Variants in RLF observed in about 807,000 individuals in gnomAD.
The protein encoded by RLF is RLF zinc finger.
Under a neutral mutation model 162.9 loss-of-function variants are expected in RLF, and 7 were observed. That is an observed-to-expected ratio of 0.04 (90% CI 0.02 to 0.08). The LOEUF is 0.08. RLF is among the 10% of genes least tolerant of loss of function. The pLI is 1.00. For synonymous variants in RLF, 782 were observed against 791.5 expected, an observed-to-expected ratio of 0.99 and a Z score of 0.20; for missense variants, 1,664 against 2,244.7, an observed-to-expected ratio of 0.74 and a Z score of 5.23.
intron 1 of RLF, among the ~76,000 whole-genome samples, chr1:40,177,292 CTT>C (rs552640229): frequency 9.0e-5 from 13 of 143,934 alleles, no homozygotes; most frequent in Admixed American, 1.4e-4. Context: ...TTCTTTCTTT[CTT>C]TTTTTTTTTT....
chr1:40,221,577 T>A (rs1319665853), intron 5 of RLF, among the ~76,000 whole-genome samples: 2 of 150,954 alleles, frequency 1.3e-5, no homozygotes, highest in Non-Finnish European at 3.0e-5. Context: ...ACTGGAGGAG[T>A]TGAGCTGTTT....
chr1:40,174,661 A>G (rs1031553385), intron 1 of RLF, among the ~76,000 whole-genome samples: 5 of 152,208 alleles, frequency 3.3e-5, no homozygotes, highest in Non-Finnish European at 7.3e-5. Context: ...TATTGTATAA[A>G]ACAGACACAG....
intron 4 of RLF, among the ~76,000 whole-genome samples, chr1:40,199,124 A>G (rs1642676559): frequency 6.6e-6 from 1 of 152,226 alleles, no homozygotes; most frequent in South Asian, 2.1e-4. Flanking sequence ...ACACATACCC[A>G]AGACCATGTA....
chr1:40,185,843 CAAAAAAA>C (rs33982008), intron 1 of RLF, among the ~76,000 whole-genome samples: 2 of 67,526 alleles, frequency 3.0e-5, no homozygotes, highest in South Asian at 6.9e-4. Context: ...AAAAAAAAAG[CAAAAAAA>C]AAAAAAAAAA....
At chr1:40,186,319 C>CA (rs1642479798) in intron 1 of RLF, among the ~76,000 whole-genome samples, 1 of 152,050 alleles carries the variant, frequency 6.6e-6, no homozygotes, top group South Asian at 2.1e-4. Flanking sequence ...TTGATTATTC[C>CA]AGCCATTCTT....
intron 4 of RLF, among the ~76,000 whole-genome samples, chr1:40,198,011 G>GT (rs201641728): frequency 0.024 from 3,625 of 150,750 alleles, 151 homozygotes; most frequent in African/African-American, 0.082. Flanking sequence ...TTTCTTTTCT[G>GT]TTTTTTTTTG....
At chr1:40,210,316 C>T (rs1208058127) in intron 5 of RLF, among the ~76,000 whole-genome samples, 1 of 152,132 alleles carries the variant, frequency 6.6e-6, no homozygotes, top group Non-Finnish European at 1.5e-5. Flanking sequence ...ATAGAGAATT[C>T]TGTGTTTATA....
At chr1:40,194,057 G>A (rs981715832) in intron 3 of RLF, among the ~76,000 whole-genome samples, 5 of 152,094 alleles carry the variant, frequency 3.3e-5, no homozygotes, top group African/African-American at 9.7e-5. Context: ...AAACATATAC[G>A]TAATCATTTA....
At position 40,173,514 on chromosome 1, in the gene RLF, A is replaced by ATTTT. The variant is rs34760861; in HGVS notation, c.237+11892_237+11895dup. Among the ~76,000 whole-genome samples, 174 of 142,616 alleles carry ATTTT rather than the reference A, an allele frequency of 1.2e-3. 2 individuals are homozygous for ATTTT. The highest frequency in any genetic ancestry group is 4.3e-3 in the African/African-American group (167 of 38,686). 93.6% of individuals were successfully genotyped at this position (142,616 alleles called of 152,430 possible). On this transcript the variant is annotated intron_variant, in intron 1 of 7. Transcript: ENST00000372771. ...TTTGTCCAATCATTATGATCATGTA[A>ATTTT]TTTTTTTTTTTTTTTTTAAGACAGA...
In RLF at chr1:40,236,316, A is replaced by G. The variant is rs1175027292; in HGVS notation, c.1614A>G (p.Lys538=). ...ATCAGCATAAGGAGAAAAGAGACAA[A>G]AAACCTATTGGCTCTTCTGAAAGAT... ...LTDQHKEKRD[K]KPIGSSERYQ... The change falls in exon 8 of 8, where the codon AAA becomes AAG. Residue 538 remains lysine (K), a synonymous_variant. Coordinates refer to ENST00000372771, the MANE Select transcript of RLF (RefSeq NM_012421.4). This position sits in a 1 kb window ranked among gnomAD's most constrained non-coding sequence, Gnocchi z 7.7. The G allele has an allele frequency of 6.2e-7, 1 of 1,614,036 alleles. No homozygotes were observed. Among genetic ancestry groups the G allele is most frequent in the South Asian group, 1.1e-5 (1 of 91,070 alleles).
At chr1:40,196,144 C>T (rs866746273) in intron 4 of RLF, among the ~76,000 whole-genome samples, 24 of 151,632 alleles carry the variant, frequency 1.6e-4, no homozygotes, top group South Asian at 4.2e-4. Context: ...GGCAGGATCT[C>T]GGCTCACTGC....
At chr1:40,221,773 G>A (rs780822737) in intron 5 of RLF, among the ~76,000 whole-genome samples, 6 of 151,710 alleles carry the variant, frequency 4.0e-5, no homozygotes, top group Admixed American at 1.3e-4. Flanking sequence ...GGTGGTGGGC[G>A]CCTGTAGTCC....
chr1:40,161,643 G>A lies in RLF; in HGVS notation c.237+7G>A. The A allele has an allele frequency of 6.2e-7, 1 of 1,609,396 alleles. No individual in the cohort carries two copies. Reference sequence around the variant, plus strand: ...CTGCCGGAGCTTCTGCCAGGTGAGGGGCTGACTGGCTGGCTGAGGGCGGCG... The same window carrying A: ...CTGCCGGAGCTTCTGCCAGGTGAGGAGCTGACTGGCTGGCTGAGGGCGGCG... On this transcript the variant is annotated splice_region_variant and intron_variant, in intron 1 of 7. Coordinates refer to ENST00000372771, the MANE Select transcript of RLF (RefSeq NM_012421.4). This position sits in a 1 kb window ranked among gnomAD's most constrained non-coding sequence, Gnocchi z 4.4.
In RLF at chr1:40,194,608, C is replaced by CA. The variant is rs529882214; in HGVS notation, c.475-1016dup. On this transcript the variant is annotated intron_variant, in intron 3 of 7. Coordinates refer to ENST00000372771, the MANE Select transcript of RLF (RefSeq NM_012421.4). ...CTCCAAAAAAAAAAAACCAACAAAA[C>CA]AAAAAAAATAAATCAGCCTCCACCA... Among the ~76,000 whole-genome samples, 38 of 148,764 alleles carry CA rather than the reference C, an allele frequency of 2.6e-4. No individual in the cohort carries two copies. The South Asian group carries it at 8.1e-3, about 32-fold the overall frequency.
chr1:40,233,495 T>C (rs1020492810), intron 7 of RLF, among the ~76,000 whole-genome samples: 1 of 152,238 alleles, frequency 6.6e-6, no homozygotes, highest in African/African-American at 2.4e-5. Context: ...CCAAGTCCTC[T>C]CTGCTCTTAC....
intron 3 of RLF, among the ~76,000 whole-genome samples, chr1:40,191,164 G>A (rs1642551938): frequency 6.6e-6 from 1 of 152,118 alleles, no homozygotes; most frequent in African/African-American, 2.4e-5. Context: ...ATCCTTCATA[G>A]CATACTTATT....
At position 40,236,250 on chromosome 1, in the gene RLF, G is replaced by A; in HGVS notation, c.1548G>A (p.Glu516=). Residue 516 remains glutamate (E), a synonymous_variant, in exon 8 of 8, where the codon GAG becomes GAA. Coordinates refer to ENST00000372771, the MANE Select transcript of RLF (RefSeq NM_012421.4). The surrounding 1 kb of genome is among the most constrained non-coding windows in gnomAD (Gnocchi z 7.7). ...VLESFLSDYD[E]GKEDKQYRRR... Reference sequence around the variant, plus strand: ...AGTCATTTCTCAGTGACTATGATGAGGGTAAAGAAGATAAACAATATAGAA... The same window carrying A: ...AGTCATTTCTCAGTGACTATGATGAAGGTAAAGAAGATAAACAATATAGAA... The A allele has an allele frequency of 6.2e-7, 1 of 1,613,732 alleles. No individual in the cohort carries two copies. The highest frequency in any genetic ancestry group is 8.5e-7 in the Non-Finnish European group (1 of 1,179,832).
chr1:40,195,612 G>C lies in RLF; in HGVS notation c.475-20G>C, dbSNP rs1246151313. ...TTTATATTGTTAACTTATTTTCTGG[G>C]TGTGCTGTTCTTGTTCTAGGAGTCA... On this transcript the variant is annotated intron_variant, in intron 3 of 7. Coordinates refer to ENST00000372771, the MANE Select transcript of RLF (RefSeq NM_012421.4). 1.3e-6 allele frequency: 2 copies of C among 1,589,884 alleles called. No homozygotes were observed. The highest frequency in any genetic ancestry group is 1.4e-5 in the African/African-American group (1 of 73,892).
chr1:40,235,775 T>C lies in RLF; in HGVS notation c.1090-17T>C. On this transcript the variant is annotated splice_polypyrimidine_tract_variant and intron_variant, in intron 7 of 7. Transcript: ENST00000372771. ...TGTATGCAAAAAAATAATTTTTTTA[T>C]CCTCTTTTACTTACAGGCACAAGAT... 6.7e-7 allele frequency: 1 copy of C among 1,482,658 alleles called. No individual in the cohort carries two copies. The highest frequency in any genetic ancestry group is 9.0e-7 in the Non-Finnish European group (1 of 1,115,828). 91.8% of individuals were successfully genotyped at this position (1,482,658 alleles called of 1,614,324 possible). A position where few individuals can be genotyped will look rare whatever the true frequency, so the allele number is the denominator to read the frequency against.
Sources: allele counts gnomAD v4.1 joint callset (sites outside exome capture counted in the v4.1 genomes callset), GRCh38; gene constraint gnomAD v4.1.1; non-coding constraint Gnocchi (gnomAD v3.1); transcripts MANE v1.5; gene names NCBI Gene and HGNC (gene_info 2026-07-23, HGNC 2026-07-21).